The following PAK4 variants were observed in gnomAD, a reference collection of about 807,000 sequenced individuals.
PAK4 encodes serine/threonine-protein kinase PAK 4.
In PAK4, 49 loss-of-function variants were observed where a neutral mutation model predicts 53.5. The ratio of observed to expected loss-of-function variants is 0.92; its 90% CI spans 0.73 to 1.16. The LOEUF (loss-of-function observed/expected upper bound fraction) is 1.16, where lower values mean the gene tolerates loss of function less well. PAK4 is among the 50% of genes most tolerant of loss of function. The pLI is 0.00. For missense variants in PAK4, 824 were observed against 850.7 expected (o/e 0.97, Z 0.39); for synonymous variants, 376 against 375.6 (o/e 1.00, Z -0.01).
rs752919337 is a variant in PAK4, at chr19:39,178,529, G to T, written c.1726G>T (p.Gly576Trp). 1 of 1,611,156 alleles carries T rather than the reference G, an allele frequency of 6.2e-7. No individual in the cohort carries two copies. The highest frequency in any genetic ancestry group is 1.1e-5 in the South Asian group (1 of 90,966). The stretch of plus-strand genomic sequence containing the variant: ...GAAGCACCCATTCCTGGCCAAGGCA[G>T]GGCCGCCTGCCAGCATCGTGCCCCT... Residue 576 changes from glycine to tryptophan, a missense_variant, in exon 9 of 9, where the codon GGG (glycine) becomes TGG (tryptophan). Around this residue, in one of 2 missense-constraint regions of PAK4, gnomAD observed 346 missense variants for 415.0 expected, o/e 0.83. Transcript: ENST00000358301. The surrounding 1 kb of genome is among the most constrained non-coding windows in gnomAD (Gnocchi z 4.4).
At chr19:39,136,785 TGTA>T (rs1197699573) in intron 1 of PAK4, among the ~76,000 whole-genome samples, 1 of 152,164 alleles carries the variant, frequency 6.6e-6, no homozygotes, top group Non-Finnish European at 1.5e-5. Flanking sequence ...CTGACTGAAC[TGTA>T]GTAAGCTGGG....
intron 1 of PAK4, among the ~76,000 whole-genome samples, chr19:39,127,400 C>T (rs2073607425): frequency 1.3e-5 from 2 of 152,080 alleles, no homozygotes; most frequent in Non-Finnish European, 2.9e-5. Flanking sequence ...GGGTCGCTCA[C>T]TCTCAGCTGG....
chr19:39,142,566 C>G (rs956177174), intron 1 of PAK4, among the ~76,000 whole-genome samples: 1 of 152,148 alleles, frequency 6.6e-6, no homozygotes, highest in Non-Finnish European at 1.5e-5. Context: ...CTTCCCCACC[C>G]CCCGGGGCCT....
Position 39,175,294 on chromosome 19 carries a change from C to T in PAK4, c.1233-18C>T, listed in dbSNP as rs73046486. The T allele has an allele frequency of 0.11, 171,902 of 1,561,082 alleles. 10,395 individuals are homozygous for T. Among genetic ancestry groups the T allele is most frequent in the Middle Eastern group, 0.15 (910 of 5,974 alleles). ...GGTGCTGTCCAGCTGGCTGCTCACCCCCCACCCCACCCCGCAGGATGAACG... is the reference window on the plus strand; with the variant it reads ...GGTGCTGTCCAGCTGGCTGCTCACCTCCCACCCCACCCCGCAGGATGAACG... On this transcript the variant is annotated intron_variant, in intron 5 of 8. Transcript: ENST00000358301. The surrounding 1 kb of genome is among the most constrained non-coding windows in gnomAD (Gnocchi z 4.7).
intron 1 of PAK4, among the ~76,000 whole-genome samples, chr19:39,133,515 G>C (rs966267990): frequency 7.2e-5 from 11 of 152,104 alleles, no homozygotes; most frequent in African/African-American, 2.7e-4. Flanking sequence ...ACTGGGATTT[G>C]GATGCTGGAG....
At chr19:39,147,840 G>GTTT (rs2074025471) in intron 1 of PAK4, among the ~76,000 whole-genome samples, 1 of 82,834 alleles carries the variant, frequency 1.2e-5, no homozygotes, top group Admixed American at 1.1e-4. Flanking sequence ...TTTGTTTTCG[G>GTTT]GTTTTTTTTT....
intron 4 of PAK4, among the ~76,000 whole-genome samples, chr19:39,174,386 G>A (rs1343133315): frequency 2.0e-5 from 3 of 151,532 alleles, no homozygotes; most frequent in South Asian, 2.1e-4. Context: ...GGTGTCCCTC[G>A]GCACAGCCCA....
chr19:39,147,066 TTGACAATTGTCATTGTCAATTGTCAA>T (rs1404119720), intron 1 of PAK4, among the ~76,000 whole-genome samples: 2 of 24,690 alleles, frequency 8.1e-5, no homozygotes, highest in Non-Finnish European at 2.1e-4. Context: ...TCATTGTCAA[TTGACAATTGTCATTGTCAATTGTCAA>T]TGACAATGTC....
intron 1 of PAK4, among the ~76,000 whole-genome samples, chr19:39,157,624 C>T (rs1207791594): frequency 2.6e-5 from 4 of 152,214 alleles, no homozygotes; most frequent in Non-Finnish European, 4.4e-5. Flanking sequence ...GAGACATGAA[C>T]GGAGGCTCTT....
chr19:39,145,085 TCTC>T (rs1411784510), intron 1 of PAK4, among the ~76,000 whole-genome samples: 1 of 151,862 alleles, frequency 6.6e-6, no homozygotes, highest in Non-Finnish European at 1.5e-5. Flanking sequence ...ACAAAAACAT[TCTC>T]CTCCCTTTCT....
intron 2 of PAK4, 32 bp downstream of exon 3, chr19:39,169,789 C>T (rs1311235561): frequency 5.4e-6 from 8 of 1,494,972 alleles, no homozygotes; most frequent in Non-Finnish European, 6.4e-6. Flanking sequence ...CTCCCCCAGC[C>T]CACCCCAACC....
At chr19:39,164,812 G>A (rs12972566) in intron 1 of PAK4, among the ~76,000 whole-genome samples, 9 of 152,076 alleles carry the variant, frequency 5.9e-5, no homozygotes, top group African/African-American at 2.2e-4. Flanking sequence ...CCACTCCACC[G>A]TGGTTGAGGG....
At chr19:39,150,511 G>A (rs1050129590) in intron 1 of PAK4, among the ~76,000 whole-genome samples, 1 of 152,040 alleles carries the variant, frequency 6.6e-6, no homozygotes, top group Non-Finnish European at 1.5e-5. Flanking sequence ...TGCCCAAACA[G>A]CGCTGCCTCC....
chr19:39,160,795 C>T lies in PAK4; in HGVS notation c.-22-8737C>T, dbSNP rs370780047. On this transcript the variant is annotated intron_variant, in intron 1 of 8. Coordinates refer to ENST00000358301, the Ensembl canonical transcript of PAK4. ...ACATTTGTGTAATGTCTTCAGATTCCCTTCTAACCACGGTGGCTTTTCTGG... is the reference window on the plus strand; with the variant it reads ...ACATTTGTGTAATGTCTTCAGATTCTCTTCTAACCACGGTGGCTTTTCTGG... Among the ~76,000 whole-genome samples, 7 of 152,354 alleles carry T rather than the reference C, an allele frequency of 4.6e-5. No individual in the cohort carries two copies. In the East Asian group the frequency reaches 1.2e-3, roughly 25 times the overall value.
chr19:39,154,711 C>G (rs1342496739), intron 1 of PAK4, among the ~76,000 whole-genome samples: 1 of 152,184 alleles, frequency 6.6e-6, no homozygotes, highest in Non-Finnish European at 1.5e-5. Context: ...CAATCCCCAT[C>G]CACTCCCCGC....
At chr19:39,155,929 C>G (rs542745775) in intron 1 of PAK4, among the ~76,000 whole-genome samples, 35 of 152,370 alleles carry the variant, frequency 2.3e-4, no homozygotes, top group Middle Eastern at 6.8e-3. Context: ...GGCCTTGTCA[C>G]GTTGAGCTGC....
intron 1 of PAK4, among the ~76,000 whole-genome samples, chr19:39,163,701 A>G (rs2074321720): frequency 6.6e-6 from 1 of 152,216 alleles, no homozygotes; most frequent in Non-Finnish European, 1.5e-5. Flanking sequence ...GGGATCAAAT[A>G]CTGGACTTCA....
intron 1 of PAK4, among the ~76,000 whole-genome samples, chr19:39,143,412 G>A (rs2073942679): frequency 6.6e-6 from 1 of 150,924 alleles, no homozygotes. Flanking sequence ...CCAACACAGT[G>A]AAACCCCGTC....
At chr19:39,142,365 C>G (rs1218473861) in intron 1 of PAK4, among the ~76,000 whole-genome samples, 30 of 152,172 alleles carry the variant, frequency 2.0e-4, no homozygotes, top group Non-Finnish European at 1.5e-5. Context: ...TAGGTGGTTG[C>G]TTGGATGAGC....
Sources: gnomAD v4.1 joint callset for allele counts (sites outside exome capture counted in the v4.1 genomes callset) on GRCh38, gnomAD v4.1.1 for gene constraint, gnomAD v4.1.1 regional missense constraint, Gnocchi (gnomAD v3.1) non-coding constraint, MANE v1.5 for transcripts, NCBI Gene and HGNC (gene_info 2026-07-23, HGNC 2026-07-21) for gene names.